The following YAF2 variants were observed in gnomAD, a reference collection of about 807,000 sequenced individuals.
The protein encoded by YAF2 is YY1-associated factor 2.
Under a neutral mutation model 20.1 loss-of-function variants are expected in YAF2, and 7 were observed. The observed-to-expected ratio is 0.35, with a 90% CI of 0.20 to 0.65. YAF2 has a LOEUF of 0.65. YAF2 is among the 30% of genes least tolerant of loss of function. The probability of loss-of-function intolerance (pLI) is 0.69; values close to 1 mark genes in which losing one functional copy is unlikely to be tolerated. For synonymous variants in YAF2, 74 were observed against 76.0 expected (o/e 0.97, Z 0.14); for missense variants, 151 against 219.2 (o/e 0.69, Z 1.96).
At chr12:42,176,679 C>T (rs558955326) in intron 2 of YAF2, among the ~76,000 whole-genome samples, 13 of 152,198 alleles carry the variant, frequency 8.5e-5, no homozygotes, top group South Asian at 6.2e-4. Context: ...CATAACATCC[C>T]GGCCAGGTAT....
intron 2 of YAF2, among the ~76,000 whole-genome samples, chr12:42,194,088 A>C (rs1451619252): frequency 6.6e-6 from 1 of 152,234 alleles, no homozygotes; most frequent in East Asian, 1.9e-4. Context: ...GCTAAGTGTC[A>C]CTACAAAAGA....
chr12:42,231,891 T>C (rs1318357025), intron 2 of YAF2: 8 of 152,208 alleles, frequency 5.3e-5, no homozygotes. Flanking sequence ...TTTGAATATA[T>C]TCATTTTCAA....
At chr12:42,226,918 C>T (rs1371207583) in intron 2 of YAF2, among the ~76,000 whole-genome samples, 3 of 150,164 alleles carry the variant, frequency 2.0e-5, no homozygotes, top group Admixed American at 6.6e-5. Flanking sequence ...TTAGGGAGCC[C>T]GTCCGGCCAT....
chr12:42,237,536 C>A (rs1373861928), intron 2 of YAF2, 63 bp downstream of exon 2: 1 of 1,436,424 alleles, frequency 7.0e-7, no homozygotes. Flanking sequence ...GCGGCAGCCG[C>A]AAGGGCGTCC....
intron 2 of YAF2, among the ~76,000 whole-genome samples, chr12:42,176,669 C>T (rs1428910137): frequency 2.0e-5 from 3 of 152,114 alleles, no homozygotes; most frequent in Non-Finnish European, 4.4e-5. Flanking sequence ...GTAATATCTT[C>T]ATAACATCCC....
chr12:42,180,231 C>A (rs1341241664), intron 2 of YAF2, among the ~76,000 whole-genome samples: 1 of 152,194 alleles, frequency 6.6e-6, no homozygotes, highest in East Asian at 1.9e-4. Context: ...GATTGGATGT[C>A]ATTTCCAAAA....
chr12:42,210,322 A>G (rs900937525), intron 2 of YAF2: 1 of 1,440,006 alleles, frequency 6.9e-7, no homozygotes, highest in Non-Finnish European at 9.3e-7. Context: ...GGGGGAAAAA[A>G]AATCTCAGGT....
At chr12:42,173,048 CAG>C (rs879630684) in intron 2 of YAF2, among the ~76,000 whole-genome samples, 18 of 149,746 alleles carry the variant, frequency 1.2e-4, no homozygotes, top group Middle Eastern at 3.5e-3. Context: ...GAGAGAGAGA[CAG>C]AGAGAGAGAG....
chr12:42,183,442 C>G lies in YAF2; in HGVS notation c.153-21677G>C, dbSNP rs78445494. The stretch of plus-strand genomic sequence containing the variant: ...AGATGTGACTATAAAGAAAAGCTGT[C>G]GAAGGAAATTTAGAATGGTACTCCA... On this transcript the variant is annotated intron_variant, in intron 2 of 3. Transcript: ENST00000534854. 9.3e-3 allele frequency among the ~76,000 whole-genome samples: 1,412 copies of G among 152,092 alleles called. 19 individuals carry two copies. Among genetic ancestry groups the G allele is most frequent in the African/African-American group, 0.031 (1,295 of 41,462 alleles).
intron 2 of YAF2, among the ~76,000 whole-genome samples, chr12:42,229,199 G>C (rs1418997917): frequency 1.2e-5 from 1 of 86,750 alleles, no homozygotes; most frequent in Non-Finnish European, 2.2e-5. Context: ...TTGTTAAACA[G>C]ATGCTTGAAG....
intron 2 of YAF2, among the ~76,000 whole-genome samples, chr12:42,208,152 G>A (rs1235140786): frequency 6.6e-6 from 1 of 152,102 alleles, no homozygotes; most frequent in Non-Finnish European, 1.5e-5. Flanking sequence ...ATATGGCCAG[G>A]CGCCATGGCT....
chr12:42,178,768 C>T (rs2066262879), intron 2 of YAF2, among the ~76,000 whole-genome samples: 1 of 152,032 alleles, frequency 6.6e-6, no homozygotes, highest in African/African-American at 2.4e-5. Context: ...AAATTATGTG[C>T]CCTTTCAATT....
chr12:42,236,080 A>G lies in YAF2; in HGVS notation c.152+1519T>C, dbSNP rs534193692. Reference sequence around the variant, plus strand: ...AATAGAGAGGGAACAACAAAAAGCAATAATATATAGTACCAGAGATCAAGA... The same window carrying G: ...AATAGAGAGGGAACAACAAAAAGCAGTAATATATAGTACCAGAGATCAAGA... On this transcript the variant is annotated intron_variant, in intron 2 of 3. Coordinates refer to ENST00000534854, the MANE Select transcript of YAF2 (RefSeq NM_005748.6). 1,135 of 1,482,302 alleles carry G rather than the reference A, an allele frequency of 7.7e-4. 1 individual carries two copies. Among genetic ancestry groups the G allele is most frequent in the Admixed American group, 1.7e-3 (79 of 46,340 alleles). 91.8% of individuals were successfully genotyped at this position (1,482,302 alleles called of 1,614,324 possible).
At chr12:42,223,272 G>A (rs2067577917) in intron 2 of YAF2, among the ~76,000 whole-genome samples, 1 of 151,826 alleles carries the variant, frequency 6.6e-6, no homozygotes, top group South Asian at 2.1e-4. Context: ...TCAGTCTACT[G>A]AAATTTTACA....
At chr12:42,162,182 T>C (rs1044429766) in intron 2 of YAF2, among the ~76,000 whole-genome samples, 2 of 152,204 alleles carry the variant, frequency 1.3e-5, no homozygotes, top group African/African-American at 4.8e-5. Context: ...ACAATGGCTA[T>C]CTGTTCTTTA....
chr12:42,229,791 G>GGTAA (rs1188499045), intron 2 of YAF2, among the ~76,000 whole-genome samples: 1 of 152,120 alleles, frequency 6.6e-6, no homozygotes, highest in Admixed American at 6.5e-5. Context: ...GTAACACCAT[G>GGTAA]GTAAGTATTT....
At chr12:42,225,730 G>C (rs568879034) in intron 2 of YAF2, among the ~76,000 whole-genome samples, 5 of 152,058 alleles carry the variant, frequency 3.3e-5, no homozygotes, top group Admixed American at 6.5e-5. Context: ...CTGTTCTATC[G>C]GTCTATATGT....
chr12:42,227,655 C>CT (rs1343488842), intron 2 of YAF2, among the ~76,000 whole-genome samples: 2 of 150,610 alleles, frequency 1.3e-5, no homozygotes, highest in African/African-American at 4.9e-5. Flanking sequence ...GCTGCCCCGT[C>CT]TGAGAAGTGA....
chr12:42,207,136 C>A (rs941633205), intron 2 of YAF2, among the ~76,000 whole-genome samples: 6 of 152,154 alleles, frequency 3.9e-5, no homozygotes, highest in African/African-American at 1.4e-4. Context: ...ATCATTCACA[C>A]CAAAGAAACT....
Sources: allele counts gnomAD v4.1 joint callset (sites outside exome capture counted in the v4.1 genomes callset), GRCh38; gene constraint gnomAD v4.1.1; transcripts MANE v1.5; gene names NCBI Gene and HGNC (gene_info 2026-07-23, HGNC 2026-07-21).